The following BCL11A variants were observed in gnomAD, a reference collection of about 807,000 sequenced individuals.
BCL11A encodes the protein BCL11 transcription factor A, also known as B cell CLL/lymphoma 11A.
Under a neutral mutation model 55.9 loss-of-function variants are expected in BCL11A, and 2 were observed. The observed-to-expected ratio is 0.04, with a 90% CI of 0.01 to 0.11. The LOEUF is 0.11. Ranked by LOEUF, BCL11A falls within the 10% of genes least tolerant of loss-of-function variation. The pLI is 1.00. For missense variants in BCL11A, 817 were observed against 1,137.1 expected (o/e 0.72, Z 4.05); for synonymous variants, 465 against 473.4 (o/e 0.98, Z 0.23).
intron 2 of BCL11A, among the ~76,000 whole-genome samples, chr2:60,523,651 A>AT (rs34605417): frequency 0.01 from 1,479 of 143,544 alleles, 28 homozygotes; most frequent in African/African-American, 0.034. Flanking sequence ...GTGTTTGGGG[A>AT]TTTTTTTTTT....
upstream of BCL11A, chr2:60,553,766 A>G (rs1391521096): frequency 8.6e-6 from 1 of 116,046 alleles, no homozygotes; most frequent in Admixed American, 1.1e-4. Flanking sequence ...GGACAAGCCA[A>G]TGGCCAGTGC....
chr2:60,514,076 C>T (rs1668614082), intron 2 of BCL11A, among the ~76,000 whole-genome samples: 2 of 152,200 alleles, frequency 1.3e-5, no homozygotes, highest in Non-Finnish European at 2.9e-5. Flanking sequence ...GACTCTGAGC[C>T]ACACCAGCCA....
At chr2:60,473,895 T>C (rs911021828) in intron 2 of BCL11A, among the ~76,000 whole-genome samples, 8 of 152,326 alleles carry the variant, frequency 5.3e-5, no homozygotes, top group African/African-American at 1.9e-4. Flanking sequence ...TTTTCCTTCA[T>C]TGCTTTTTTA....
At chr2:60,548,577 A>G (rs1443080622) in intron 1 of BCL11A, among the ~76,000 whole-genome samples, 1 of 152,222 alleles carries the variant, frequency 6.6e-6, no homozygotes, top group Non-Finnish European at 1.5e-5. Context: ...TATAGGAGGC[A>G]AAGTTCTTGA....
chr2:60,484,927 C>A (rs1678181543), intron 2 of BCL11A, among the ~76,000 whole-genome samples: 1 of 147,450 alleles, frequency 6.8e-6, no homozygotes. Flanking sequence ...CAAGTTCAAG[C>A]CAAAAAGAAA....
In BCL11A at chr2:60,490,575, A is replaced by G. The variant is rs1051754098; in HGVS notation, c.386-21742T>C. Among the ~76,000 whole-genome samples the G allele has an allele frequency of 5.9e-5, 9 of 152,230 alleles. No homozygotes were observed. The East Asian group carries it at 1.7e-3, about 29-fold the overall frequency. On this transcript the variant is annotated intron_variant, in intron 2 of 3. Transcript: ENST00000642384. ...CTACCTAGTCACCTTAGCAAGAAGA[A>G]TCAATCTCATCCTTCTCCAACCTCA... is the stretch of plus-strand genomic sequence containing the variant.
intron 2 of BCL11A, among the ~76,000 whole-genome samples, chr2:60,514,578 G>A (rs932243164): frequency 1.1e-4 from 17 of 150,484 alleles, no homozygotes; most frequent in Non-Finnish European, 2.5e-4. Flanking sequence ...TGAGGCAGGA[G>A]AATCACTTGA....
intron 2 of BCL11A, among the ~76,000 whole-genome samples, chr2:60,515,394 T>C (rs1668686607): frequency 2.0e-5 from 3 of 152,190 alleles, no homozygotes; most frequent in African/African-American, 7.2e-5. Flanking sequence ...TGAACCAGCA[T>C]TATGTTAGGC....
At chr2:60,492,642 C>CTG (rs1678706784) in intron 2 of BCL11A, among the ~76,000 whole-genome samples, 1 of 151,886 alleles carries the variant, frequency 6.6e-6, no homozygotes, top group South Asian at 2.1e-4. Flanking sequence ...CTCTCTCTCT[C>CTG]TGTCATTACC....
chr2:60,511,807 T>C (rs1242440236), intron 2 of BCL11A, among the ~76,000 whole-genome samples: 1 of 152,218 alleles, frequency 6.6e-6, no homozygotes, highest in Non-Finnish European at 1.5e-5. Context: ...CATTAATTCT[T>C]CTCCAAGCTT....
At chr2:60,528,174 T>G (rs1168551574) in intron 2 of BCL11A, 1 of 152,374 alleles carries the variant, frequency 6.6e-6, no homozygotes, top group Non-Finnish European at 1.5e-5. Context: ...ACACTCAGTC[T>G]CTCCCTCCCT....
intron 2 of BCL11A, among the ~76,000 whole-genome samples, chr2:60,524,084 T>C (rs1285803418): frequency 6.6e-6 from 1 of 152,222 alleles, no homozygotes; most frequent in Non-Finnish European, 1.5e-5. Flanking sequence ...GGTATCTTCA[T>C]TTATCATCCG....
chr2:60,505,868 CA>C (rs1679561534), intron 2 of BCL11A, among the ~76,000 whole-genome samples: 1 of 152,154 alleles, frequency 6.6e-6, no homozygotes, highest in African/African-American at 2.4e-5. Context: ...AAATCCCTCC[CA>C]AAACAACGGT....
chr2:60,470,874 C>T (rs1434693088), intron 2 of BCL11A, among the ~76,000 whole-genome samples: 2 of 152,172 alleles, frequency 1.3e-5, no homozygotes, highest in Admixed American at 1.3e-4. Flanking sequence ...CTTCATTTTA[C>T]AGATGGGGAA....
At position 60,552,893 on chromosome 2, in the gene BCL11A, G is replaced by T. The variant is rs559745172; in HGVS notation, c.55+323C>A. Among the ~76,000 whole-genome samples, 7 of 148,084 alleles carry T rather than the reference G, an allele frequency of 4.7e-5. No individual in the cohort carries two copies. The East Asian group carries it at 1.4e-3, about 29-fold the overall frequency. Reference sequence around the variant, plus strand: ...CATTATTTTGCAAAACTGGCGGGGCGGGGGGGGAGTGGAATCATTGCATTC... The same window carrying T: ...CATTATTTTGCAAAACTGGCGGGGCTGGGGGGGAGTGGAATCATTGCATTC... On this transcript the variant is annotated intron_variant, in intron 1 of 3. Coordinates refer to ENST00000642384, the MANE Select transcript of BCL11A (RefSeq NM_022893.4).
chr2:60,500,459 A>G (rs1380992524), intron 2 of BCL11A, among the ~76,000 whole-genome samples: 1 of 152,220 alleles, frequency 6.6e-6, no homozygotes, highest in Admixed American at 6.5e-5. Flanking sequence ...TCATCCCAGC[A>G]GGAACTTACA....
chr2:60,523,254 G>C (rs1322810981), intron 2 of BCL11A, among the ~76,000 whole-genome samples: 1 of 152,142 alleles, frequency 6.6e-6, no homozygotes, highest in African/African-American at 2.4e-5. Flanking sequence ...CTCAACTCAG[G>C]GGAGGCACAA....
rs1676197124 is a variant in BCL11A at position 60,460,572 on chromosome 2, G to T, written c.2340C>A (p.Ala780=). 1 of 1,614,092 alleles carries T rather than the reference G, an allele frequency of 6.2e-7. No individual in the cohort carries two copies. The highest frequency in any genetic ancestry group is 8.5e-7 in the Non-Finnish European group (1 of 1,180,024). Reference sequence around the variant, plus strand: ...TGTGCCTGGTGAGCTTGCTACTCTGGGCACAGGCATAGTTGCACAGCTCGC... The same window carrying T: ...TGTGCCTGGTGAGCTTGCTACTCTGTGCACAGGCATAGTTGCACAGCTCGC... ...YKCELCNYAC[A]QSSKLTRHMK... is the part of the protein sequence containing the mutation. The change falls in exon 4 of 4, where the codon GCC becomes GCA. Residue 780 remains alanine, a synonymous_variant. Transcript: ENST00000642384.
At chr2:60,467,821 G>A (rs1676888148) in intron 3 of BCL11A, among the ~76,000 whole-genome samples, 1 of 114,176 alleles carries the variant, frequency 8.8e-6, no homozygotes, top group Non-Finnish European at 2.0e-5. Context: ...TACTGGTGGT[G>A]ATGGTGATGG....
Sources: allele counts gnomAD v4.1 joint callset (sites outside exome capture counted in the v4.1 genomes callset), GRCh38; gene constraint gnomAD v4.1.1; transcripts MANE v1.5; gene names NCBI Gene and HGNC (gene_info 2026-07-23, HGNC 2026-07-21).